Variants in CDK18 observed in about 807,000 individuals in gnomAD.
CDK18 encodes the protein cyclin-dependent kinase 18.
Under a neutral mutation model 62.0 loss-of-function variants are expected in CDK18, and 52 were observed. The observed-to-expected ratio is 0.84, with a 90% CI of 0.67 to 1.06. The LOEUF (loss-of-function observed/expected upper bound fraction) is 1.06, where lower values mean the gene tolerates loss of function less well. Among genes scored for constraint, CDK18 ranks in the 50% least tolerant of loss-of-function variants. The probability of loss-of-function intolerance (pLI) is 0.00; values close to 1 mark genes in which losing one functional copy is unlikely to be tolerated. For missense variants in CDK18, 604 were observed against 619.9 expected, an observed-to-expected ratio of 0.97 and a Z score of 0.27; for synonymous variants, 237 against 247.0, an observed-to-expected ratio of 0.96 and a Z score of 0.38.
chr1:205,526,879 C>T (rs751709892), intron 8 of CDK18, 42 bp downstream of exon 8: 1 of 1,542,618 alleles, frequency 6.5e-7, no homozygotes, highest in South Asian at 1.1e-5. Context: ...TGGCAGCCAC[C>T]TGTCCAGAAG....
chr1:205,531,407 A>G lies in CDK18; in HGVS notation c.*29A>G. ...ACGCCCACCTTGCTGTGGCCAAGGGACAAGAGATCACATGGAGCACAAATT... is the reference window on the plus strand; with the variant it reads ...ACGCCCACCTTGCTGTGGCCAAGGGGCAAGAGATCACATGGAGCACAAATT... On this transcript the variant is annotated 3_prime_UTR_variant, in exon 16 of 16. Transcript: ENST00000429964. The G allele has an allele frequency of 6.2e-7, 1 of 1,605,508 alleles. No homozygotes were observed. Among genetic ancestry groups the G allele is most frequent in the Non-Finnish European group, 8.5e-7 (1 of 1,172,094 alleles).
chr1:205,519,232 C>T (rs985715808), intron 1 of CDK18, among the ~76,000 whole-genome samples: 1 of 152,182 alleles, frequency 6.6e-6, no homozygotes, highest in Admixed American at 6.5e-5. Flanking sequence ...ACCCCCAAAT[C>T]TGAGGAGCTG....
intron 14 of CDK18, 42 bp downstream of exon 14, chr1:205,530,391 G>A (rs991623043): frequency 1.0e-5 from 16 of 1,579,608 alleles, no homozygotes; most frequent in Non-Finnish European, 1.4e-5. Flanking sequence ...CCAGAACCAA[G>A]GAAAGGGGTT....
At position 205,531,702 on chromosome 1, in the gene CDK18, G is replaced by A. The variant is rs751732021; in HGVS notation, c.*324G>A. The A allele has an allele frequency of 5.6e-5, 20 of 358,860 alleles. No homozygotes were observed. The highest frequency in any genetic ancestry group is 3.9e-4 in the South Asian group (14 of 36,200). The allele number at this position is 358,860 out of a possible 1,614,324, so 22.2% of individuals were successfully genotyped here. On this transcript the variant is annotated 3_prime_UTR_variant, in exon 16 of 16. Transcript: ENST00000429964. The stretch of plus-strand genomic sequence containing the variant: ...TTGGGCACCTGCGTGGGATGCACAC[G>A]GATGACAGAATCAAGGCGCCAGGAT...
intron 1 of CDK18, among the ~76,000 whole-genome samples, chr1:205,515,814 A>G (rs2102284504): frequency 6.6e-6 from 1 of 152,322 alleles, no homozygotes; most frequent in African/African-American, 2.4e-5. Flanking sequence ...GACATCCAAC[A>G]GGTTTGCCCA....
At chr1:205,529,215 C>G (rs4951235) in intron 11 of CDK18, 109 bp from the exon 12 acceptor site, 114,992 of 1,338,402 alleles carry the variant, frequency 0.086, 7,404 homozygotes, top group East Asian at 0.27. Flanking sequence ...GCGGGGACCC[C>G]CTGTGGCCTC....
At chr1:205,507,633 C>CAAAAA (rs56313401) in intron 1 of CDK18, among the ~76,000 whole-genome samples, 56 of 72,194 alleles carry the variant, frequency 7.8e-4, no homozygotes, top group Middle Eastern at 7.1e-3. Flanking sequence ...GACTCCGTCT[C>CAAAAA]AAAAAAAAAA....
At chr1:205,530,759 G>C in intron 15 of CDK18, 54 bp downstream of exon 15, 1 of 1,471,494 alleles carries the variant, frequency 6.8e-7, no homozygotes, top group South Asian at 1.2e-5. Context: ...AGCCAGAGCA[G>C]GCGACCCCTC....
chr1:205,530,548 C>T (rs1668685908), intron 14 of CDK18, 80 bp from the exon 15 acceptor site: 1 of 1,338,146 alleles, frequency 7.5e-7, no homozygotes, highest in Non-Finnish European at 1.1e-6. Context: ...CTCGAGGGCT[C>T]AGTTGGTCCT....
At chr1:205,523,347 C>T (rs778305473) in intron 2 of CDK18, 50 bp downstream of exon 2, 3 of 1,611,972 alleles carry the variant, frequency 1.9e-6, no homozygotes, top group Non-Finnish European at 8.5e-7. Context: ...CAGACACTCC[C>T]CAGTCACCTT....
chr1:205,531,371 T>C lies in CDK18; in HGVS notation c.1418T>C (p.Ile473Thr). The C allele has an allele frequency of 1.2e-6, 2 of 1,614,092 alleles. No homozygotes were observed. Among genetic ancestry groups the C allele is most frequent in the Middle Eastern group, 1.6e-4 (1 of 6,062 alleles). The stretch of plus-strand genomic sequence containing the variant: ...CGAGGGAAGAACAGGCGGCAGAGCA[T>C]CTTCTGAGCCACGCCCACCTTGCTG... ...PGRGKNRRQS[I>T]F is the part of the protein sequence containing the mutation. Residue 473 changes from isoleucine (I) to threonine (T), a missense_variant, in exon 16 of 16, where the codon ATC (isoleucine) becomes ACC (threonine). Physicochemically the swap from Ile to Thr is moderately conservative, Grantham distance 89. Coordinates refer to ENST00000429964, the MANE Select transcript of CDK18 (RefSeq NM_212502.3).
chr1:205,506,662 C>G (rs970512161), intron 1 of CDK18, among the ~76,000 whole-genome samples: 1 of 152,198 alleles, frequency 6.6e-6, no homozygotes, highest in Non-Finnish European at 1.5e-5. Context: ...CAGCCCACTT[C>G]CGTCTGACCC....
intron 6 of CDK18, 25 bp downstream of exon 6, chr1:205,526,204 TC>T: frequency 1.3e-6 from 2 of 1,590,680 alleles, no homozygotes; most frequent in East Asian, 2.2e-5. Context: ...GCTCCCACGC[TC>T]CCCTGGGGGC....
intron 1 of CDK18, among the ~76,000 whole-genome samples, chr1:205,513,018 G>C (rs1165708758): frequency 6.6e-6 from 1 of 152,212 alleles, no homozygotes; most frequent in Admixed American, 6.5e-5. Context: ...GGGCTATTGG[G>C]TGGGTGAACT....
chr1:205,530,111 G>A (rs1051012987), intron 13 of CDK18, 148 bp from the exon 14 acceptor site: 2 of 1,461,370 alleles, frequency 1.4e-6, no homozygotes, highest in African/African-American at 2.8e-5. Context: ...GGTTGGGTTT[G>A]TGGTAGGGGC....
At position 205,527,170 on chromosome 1, in the gene CDK18, A is replaced by G; in HGVS notation, c.729+333A>G. ...CTGGGGAAGCTCGGGGTTATGAATG[A>G]CCTCTCCTGGTGTTTGTTAAAGAAT... On this transcript the variant is annotated intron_variant, in intron 8 of 15. Transcript: ENST00000429964. This position sits in a 1 kb window ranked among gnomAD's most constrained non-coding sequence, Gnocchi z 4.1. 2 of 333,348 alleles carry G rather than the reference A, an allele frequency of 6.0e-6. No homozygotes were observed. Among genetic ancestry groups the G allele is most frequent in the Non-Finnish European group, 5.6e-6 (1 of 178,388 alleles). The allele number at this position is 333,348 out of a possible 1,614,324, so 20.6% of individuals were successfully genotyped here.
intron 1 of CDK18, among the ~76,000 whole-genome samples, chr1:205,520,150 T>C (rs1465936746): frequency 6.6e-6 from 1 of 152,172 alleles, no homozygotes; most frequent in East Asian, 1.9e-4. Context: ...GGCCTCCTGC[T>C]TCCCTTCCCT....
intron 1 of CDK18, among the ~76,000 whole-genome samples, chr1:205,514,793 C>G (rs1667736999): frequency 6.6e-6 from 1 of 152,146 alleles, no homozygotes; most frequent in Admixed American, 6.5e-5. Context: ...TGTTAAGGCC[C>G]CATTCTTGTC....
chr1:205,505,118 G>C (rs1667242544), intron 1 of CDK18, among the ~76,000 whole-genome samples: 1 of 152,096 alleles, frequency 6.6e-6, no homozygotes, highest in Non-Finnish European at 1.5e-5. Context: ...TCTCCATCTG[G>C]GATCACTTTG....
Sources: allele counts gnomAD v4.1 joint callset (sites outside exome capture counted in the v4.1 genomes callset), GRCh38; gene constraint gnomAD v4.1.1; non-coding constraint Gnocchi (gnomAD v3.1); transcripts MANE v1.5; gene names NCBI Gene and HGNC (gene_info 2026-07-23, HGNC 2026-07-21).